The following DNAAF2 variants were observed in gnomAD, a reference collection of about 807,000 sequenced individuals.
DNAAF2 encodes protein kintoun.
Under a neutral mutation model 48.8 loss-of-function variants are expected in DNAAF2, and 58 were observed. The observed-to-expected ratio is 1.19, with a 90% CI of 0.96 to 1.48. The LOEUF is 1.48. Ranked by LOEUF, DNAAF2 falls within the 40% of genes most tolerant of loss-of-function variation. DNAAF2 has a pLI of 0.00. For synonymous variants in DNAAF2, 567 were observed against 481.2 expected (o/e 1.18, Z -2.33); for missense variants, 1,241 against 1,116.1 (o/e 1.11, Z -1.59).
Position 49,625,984 on chromosome 14 carries a change from T to C in DNAAF2, c.2072A>G (p.His691Arg). 1 of 1,597,370 alleles carries C rather than the reference T, an allele frequency of 6.3e-7. No homozygotes were observed. The highest frequency in any genetic ancestry group is 1.2e-5 in the South Asian group (1 of 85,972). Reference sequence around the variant, plus strand: ...TTCTATATATTCCTTTTCAGTTAGATGACTTTCTTCATTTACTCTTTCCTC... The same window carrying C: ...TTCTATATATTCCTTTTCAGTTAGACGACTTTCTTCATTTACTCTTTCCTC... ...GKEERVNEES[H>R]LTEKEYIEHC... Residue 691 changes from histidine to arginine, a missense_variant, in exon 3 of 3, where the codon CAT (histidine) becomes CGT (arginine). Physicochemically the swap from His to Arg is conservative, Grantham distance 29. Transcript: ENST00000298292.
At chr14:49,630,421 T>C (rs1883122282) in intron 1 of DNAAF2, among the ~76,000 whole-genome samples, 1 of 152,076 alleles carries the variant, frequency 6.6e-6, no homozygotes, top group Non-Finnish European at 1.5e-5. Flanking sequence ...ATATTAACCA[T>C]ATTTTAAATT....
chr14:49,626,799 CTTTTTT>C (rs34085502), intron 2 of DNAAF2, among the ~76,000 whole-genome samples: 3 of 63,410 alleles, frequency 4.7e-5, no homozygotes, highest in Admixed American at 4.9e-4. Context: ...TGCTGCCAGT[CTTTTTT>C]TTTTTTTTTT....
chr14:49,635,239 A>T lies in DNAAF2; in HGVS notation c.-90T>A. 2 of 1,389,736 alleles carry T rather than the reference A, an allele frequency of 1.4e-6. No individual in the cohort carries two copies. Among genetic ancestry groups the T allele is most frequent in the Middle Eastern group, 2.5e-4 (1 of 4,080 alleles). The allele number at this position is 1,389,736 out of a possible 1,614,324, so 86.1% of individuals were successfully genotyped here. A position where few individuals can be genotyped will look rare whatever the true frequency, so the allele number is the denominator to read the frequency against. On this transcript the variant is annotated 5_prime_UTR_variant, in exon 1 of 3. Coordinates refer to ENST00000298292, the MANE Select transcript of DNAAF2 (RefSeq NM_018139.3). The stretch of plus-strand genomic sequence containing the variant: ...GCCTCAGAGTTTCTGGGCAGCGTAC[A>T]GTGACGCGGTGGAGGTCGGTAACGG...
rs961303731 is a variant in DNAAF2 at position 49,625,922 on chromosome 14, T to C, written c.2134A>G (p.Ile712Val). Residue 712 changes from isoleucine (I) to valine (V), a missense_variant, in exon 3 of 3, where the codon ATA (isoleucine) becomes GTA (valine). Transcript: ENST00000298292. ...TCTATTTGTAGTGCTTTAACTGCTATAGATGAATCAGAATCAGTTGTAGGG... is the reference window on the plus strand; with the variant it reads ...TCTATTTGTAGTGCTTTAACTGCTACAGATGAATCAGAATCAGTTGTAGGG... The part of the protein sequence containing the change: ...NTPTTDSDSS[I>V]AVKALQIDSF... 9 of 1,613,460 alleles carry C rather than the reference T, an allele frequency of 5.6e-6. No homozygotes were observed. Among genetic ancestry groups the C allele is most frequent in the East Asian group, 2.2e-5 (1 of 44,798 alleles).
In DNAAF2 at chr14:49,625,942, G is replaced by C. The variant is rs1882993663; in HGVS notation, c.2114C>G (p.Thr705Arg). The change falls in exon 3 of 3, where the codon ACA (threonine) becomes AGA (arginine). Residue 705 changes from threonine to arginine, a missense_variant. Thr to Arg is a moderately conservative substitution (Grantham distance 71, BLOSUM62 -1). Coordinates refer to ENST00000298292, the MANE Select transcript of DNAAF2 (RefSeq NM_018139.3). ...TGCTATAGATGAATCAGAATCAGTTGTAGGGGTGTTACAATGTTCTATATA... is the reference window on the plus strand; with the variant it reads ...TGCTATAGATGAATCAGAATCAGTTCTAGGGGTGTTACAATGTTCTATATA... ...KEYIEHCNTP[T>R]TDSDSSIAVK... 1 of 1,613,020 alleles carries C rather than the reference G, an allele frequency of 6.2e-7. No homozygotes were observed. Among genetic ancestry groups the C allele is most frequent in the African/African-American group, 1.3e-5 (1 of 74,906 alleles).
intron 1 of DNAAF2, 103 bp from the exon 2 acceptor site, chr14:49,628,258 CT>C: frequency 2.0e-6 from 2 of 989,466 alleles, no homozygotes; most frequent in Non-Finnish European, 2.9e-6. Flanking sequence ...CAGGGTTACA[CT>C]TTTTAAAATG....
chr14:49,628,151 C>T lies in DNAAF2; in HGVS notation c.1868G>A (p.Arg623Lys). The T allele has an allele frequency of 1.9e-6, 3 of 1,578,674 alleles. No homozygotes were observed. In the South Asian group the frequency reaches 3.5e-5, roughly 19 times the overall value. ...YGVNNDSLEE[R>K]LFVNEENVNE... ...AACATTTTCTTCATTGACAAATAAC[C>T]TTTCCTAAAATAAAAAGGGAAAAAA... Residue 623 changes from arginine to lysine, a missense_variant, in exon 2 of 3, where the codon AGG becomes AAG. Arg to Lys is a conservative substitution (Grantham distance 26). Transcript: ENST00000298292.
chr14:49,627,204 A>G (rs1045417812), intron 2 of DNAAF2, among the ~76,000 whole-genome samples: 2 of 152,266 alleles, frequency 1.3e-5, no homozygotes, highest in African/African-American at 4.8e-5. Context: ...CTACAAAACT[A>G]TTTAACAGTT....
At chr14:49,629,623 G>A (rs1883099905) in intron 1 of DNAAF2, 1 of 151,942 alleles carries the variant, frequency 6.6e-6, no homozygotes. Flanking sequence ...GGCGGAGATT[G>A]CAGTGAGTCC....
chr14:49,632,166 A>C (rs1883179956), intron 1 of DNAAF2, among the ~76,000 whole-genome samples: 1 of 152,196 alleles, frequency 6.6e-6, no homozygotes, highest in African/African-American at 2.4e-5. Flanking sequence ...TTATTTTCAT[A>C]TTTACTAAAA....
chr14:49,627,728 T>G (rs538005272), intron 2 of DNAAF2, among the ~76,000 whole-genome samples: 8 of 151,904 alleles, frequency 5.3e-5, no homozygotes, highest in African/African-American at 1.7e-4. Context: ...GGTAGCATGC[T>G]CCTGTAGTCC....
chr14:49,632,173 A>G (rs1883180076), intron 1 of DNAAF2, among the ~76,000 whole-genome samples: 1 of 152,220 alleles, frequency 6.6e-6, no homozygotes, highest in Non-Finnish European at 1.5e-5. Flanking sequence ...CATATTTACT[A>G]AAACTGTTAC....
At position 49,632,769 on chromosome 14, in the gene DNAAF2, T is replaced by C. The variant is rs140986663; in HGVS notation, c.1863+518A>G. On this transcript the variant is annotated intron_variant, in intron 1 of 2. Coordinates refer to ENST00000298292, the MANE Select transcript of DNAAF2 (RefSeq NM_018139.3). Reference sequence around the variant, plus strand: ...GCCAACTAATACTTAATTTTTAATATATAATCCGTGCAGCTAGTGTTGTTT... The same window carrying C: ...GCCAACTAATACTTAATTTTTAATACATAATCCGTGCAGCTAGTGTTGTTT... Among the ~76,000 whole-genome samples, 25 of 152,042 alleles carry C rather than the reference T, an allele frequency of 1.6e-4. No homozygotes were observed. The East Asian group carries it at 4.5e-3, about 27-fold the overall frequency.
rs1320817897 is a variant in DNAAF2, at chr14:49,634,427, AG to A, written c.722del (p.Pro241LeufsTer44). 1 of 1,565,854 alleles carries A rather than the reference AG, an allele frequency of 6.4e-7. No individual in the cohort carries two copies. Among genetic ancestry groups the A allele is most frequent in the Non-Finnish European group, 8.6e-7 (1 of 1,157,828 alleles). ...GGGCGGGCTGCAAGGCCGCTTCCGG[AG>A]GGGAGGGCGCCCGGGGCCCGGGGGC... is the stretch of plus-strand genomic sequence containing the variant. ...PAAPGPRAPS[P>X]PEAALQPAPT... On this transcript the variant is annotated frameshift_variant, in exon 1 of 3. Coordinates refer to ENST00000298292, the MANE Select transcript of DNAAF2 (RefSeq NM_018139.3). LOFTEE classifies it high-confidence loss of function.
rs1883248344 is a variant in DNAAF2, at chr14:49,633,983, T to G, written c.1167A>C (p.Gly389=). 1 of 1,524,814 alleles carries G rather than the reference T, an allele frequency of 6.6e-7. No individual in the cohort carries two copies. The highest frequency in any genetic ancestry group is 1.2e-5 in the South Asian group (1 of 82,586). 94.5% of individuals were successfully genotyped at this position (1,524,814 alleles called of 1,614,324 possible). A position where few individuals can be genotyped will look rare whatever the true frequency, so the allele number is the denominator to read the frequency against. ...ACASAREGEA[G]PARSRAEDGG... ...CGTCCTCCGCGCGACTCCTCGCGGG[T>G]CCCGCCTCCCCCTCGCGAGCGGAAG... The change falls in exon 1 of 3, where the codon GGA becomes GGC. Residue 389 remains glycine, a synonymous_variant. Transcript: ENST00000298292.
chr14:49,633,896 C>T lies in DNAAF2; in HGVS notation c.1254G>A (p.Pro418=). 1.3e-6 allele frequency: 2 copies of T among 1,534,704 alleles called. No homozygotes were observed. Among genetic ancestry groups the T allele is most frequent in the South Asian group, 1.2e-5 (1 of 84,072 alleles). ...CTGCGGCCGGCGGAGGCGCCACCTC[C>T]GGGTCGCCCAGGGTGGTGACCCCGG... ...AGSGVTTLGD[P]EVAPPPAAAG... is the part of the protein sequence containing the mutation. Residue 418 remains proline, a synonymous_variant, in exon 1 of 3, where the codon CCG becomes CCA. Coordinates refer to ENST00000298292, the MANE Select transcript of DNAAF2 (RefSeq NM_018139.3).
Position 49,634,210 on chromosome 14 carries a change from G to C in DNAAF2, c.940C>G (p.Pro314Ala), listed in dbSNP as rs367951766. Reference protein sequence around the residue: ...RKLLCLDSRKPDYRLRLSLPY... With the variant: ...RKLLCLDSRKADYRLRLSLPY... ...AGCGAGAGCCGCAGCCGGTAGTCAG[G>C]TTTCCTCGAGTCGAGGCACAGCAGC... The change falls in exon 1 of 3, where the codon CCT becomes GCT. Residue 314 changes from proline to alanine, a missense_variant. Physicochemically the swap from Pro to Ala is conservative, Grantham distance 27. Transcript: ENST00000298292. 17 of 1,612,060 alleles carry C rather than the reference G, an allele frequency of 1.1e-5. No individual in the cohort carries two copies. In the African/African-American group the frequency reaches 2.3e-4, roughly 22 times the overall value.
At chr14:49,626,918 G>C (rs903538770) in intron 2 of DNAAF2, among the ~76,000 whole-genome samples, 2 of 144,226 alleles carry the variant, frequency 1.4e-5, no homozygotes, top group East Asian at 4.0e-4. Context: ...CGATTCTCCT[G>C]CTTCAGCCTC....
chr14:49,631,761 T>C (rs1274920405), intron 1 of DNAAF2, among the ~76,000 whole-genome samples: 2 of 152,246 alleles, frequency 1.3e-5, no homozygotes, highest in African/African-American at 2.4e-5. Flanking sequence ...AAAACTTCAA[T>C]ACATATATTT....
Sources: allele counts gnomAD v4.1 joint callset (sites outside exome capture counted in the v4.1 genomes callset), GRCh38; gene constraint gnomAD v4.1.1; transcripts MANE v1.5; gene names NCBI Gene and HGNC (gene_info 2026-07-23, HGNC 2026-07-21).